Variants in SIRPB1 observed in about 807,000 individuals in gnomAD.
The protein encoded by SIRPB1 is signal regulatory protein beta 1, also known as signal-regulatory protein beta-1.
Under a neutral mutation model 34.1 loss-of-function variants are expected in SIRPB1, and 28 were observed. That is an observed-to-expected ratio of 0.82 (90% CI 0.61 to 1.12). The LOEUF (loss-of-function observed/expected upper bound fraction) is 1.12, where lower values mean the gene tolerates loss of function less well. Ranked by LOEUF, SIRPB1 falls within the 50% of genes most tolerant of loss-of-function variation. SIRPB1 has a pLI of 0.00. For synonymous variants in SIRPB1, 211 were observed against 203.8 expected (o/e 1.04, Z -0.30); for missense variants, 499 against 507.0 (o/e 0.98, Z 0.15).
intron 1 of SIRPB1, among the ~76,000 whole-genome samples, chr20:1,613,613 C>T (rs981353677): frequency 6.6e-6 from 1 of 152,120 alleles, no homozygotes; most frequent in Non-Finnish European, 1.5e-5. Flanking sequence ...AGGGGTCCCC[C>T]AGTGGGTATA....
intron 1 of SIRPB1, among the ~76,000 whole-genome samples, chr20:1,579,003 G>A (rs2091363462): frequency 6.8e-6 from 1 of 147,966 alleles, no homozygotes; most frequent in Admixed American, 6.7e-5. Flanking sequence ...CCAGGCTGGA[G>A]TGCAGTGGTG....
chr20:1,611,186 A>G lies in SIRPB1; in HGVS notation c.76+8683T>C, dbSNP rs1361002741. On this transcript the variant is annotated intron_variant, in intron 1 of 5. Transcript: ENST00000381605. ...AGCCGTGGAGCCTCGAGCGACTGCC[A>G]TGACATCTCCAAGCCTCAACTCATG... Among the ~76,000 whole-genome samples, 2 of 72,494 alleles carry G rather than the reference A, an allele frequency of 2.8e-5. 1 individual carries two copies. The highest frequency in any genetic ancestry group is 1.7e-4 in the African/African-American group (2 of 11,430). The allele number at this position is 72,494 out of a possible 152,430, so 47.6% of individuals were successfully genotyped here. A position where few individuals can be genotyped will look rare whatever the true frequency, so the allele number is the denominator to read the frequency against.
Position 1,571,944 on chromosome 20 carries a change from G to T in SIRPB1, c.527C>A (p.Pro176His). The T allele has an allele frequency of 6.2e-7, 1 of 1,614,154 alleles. No individual in the cohort carries two copies. Among genetic ancestry groups the T allele is most frequent in the South Asian group, 1.1e-5 (1 of 91,084 alleles). Reference sequence around the variant, plus strand: ...GAACCATTTCAGGGTGATGTCTCTGGGAGAGAAGCCATGGGACTCGCAGGT... The same window carrying T: ...GAACCATTTCAGGGTGATGTCTCTGTGAGAGAAGCCATGGGACTCGCAGGT... ...SFTCESHGFS[P>H]RDITLKWFKN... The change falls in exon 3 of 6, where the codon CCC (proline) becomes CAC (histidine). Residue 176 changes from proline to histidine, a missense_variant. Pro to His is a moderately conservative substitution (Grantham distance 77). Coordinates refer to ENST00000381605, the MANE Select transcript of SIRPB1 (RefSeq NM_006065.5).
At position 1,563,977 on chromosome 20, in the gene SIRPB1, A is replaced by G. The variant is rs1600084398; in HGVS notation, c.*1523T>C. ...TCACTCCATATTAGAAATATACAAA[A>G]AAAGGCAAGCACTCTTCCAACTACT... On this transcript the variant is annotated 3_prime_UTR_variant, in exon 6 of 6. Coordinates refer to ENST00000381605, the MANE Select transcript of SIRPB1 (RefSeq NM_006065.5). The G allele has an allele frequency of 6.6e-6, 1 of 152,144 alleles. No individual in the cohort carries two copies. The highest frequency in any genetic ancestry group is 1.9e-4 in the East Asian group (1 of 5,200). The allele number at this position is 152,144 out of a possible 1,614,324, so 9.4% of individuals were successfully genotyped here.
rs2091087225 is a variant in SIRPB1, at chr20:1,562,087, C to T, written c.*3413G>A. Reference sequence around the variant, plus strand: ...TTGCTGAAAGTGTTCCAGCTTTGGCCTTTGGGAGCTCTTTCAGTTGGTTCC... The same window carrying T: ...TTGCTGAAAGTGTTCCAGCTTTGGCTTTTGGGAGCTCTTTCAGTTGGTTCC... On this transcript the variant is annotated 3_prime_UTR_variant, in exon 6 of 6. Coordinates refer to ENST00000381605, the MANE Select transcript of SIRPB1 (RefSeq NM_006065.5). Among the ~76,000 whole-genome samples, 1 of 151,562 alleles carries T rather than the reference C, an allele frequency of 6.6e-6. No individual in the cohort carries two copies. The highest frequency in any genetic ancestry group is 6.6e-5 in the Admixed American group (1 of 15,236).
In SIRPB1 at chr20:1,565,045, G is replaced by C. The variant is rs571877913; in HGVS notation, c.*455C>G. ...ATAGGATGCTTGGACAAAGAGGAAA[G>C]AGAATCATTTTTTTCTTAAAATTGG... On this transcript the variant is annotated 3_prime_UTR_variant, in exon 6 of 6. Transcript: ENST00000381605. 7.5e-6 allele frequency: 3 copies of C among 398,460 alleles called. No individual in the cohort carries two copies. Among genetic ancestry groups the C allele is most frequent in the Admixed American group, 8.8e-5 (2 of 22,708 alleles). The allele number at this position is 398,460 out of a possible 1,614,324, so 24.7% of individuals were successfully genotyped here.
chr20:1,570,806 A>G lies in SIRPB1; in HGVS notation c.1083T>C (p.His361=). Residue 361 remains histidine (H), a splice_region_variant and synonymous_variant, in exon 4 of 6, where the codon CAT becomes CAC. Coordinates refer to ENST00000381605, the MANE Select transcript of SIRPB1 (RefSeq NM_006065.5). ...TTTAAAAATGGGAAGTAACCGCACC[A>G]TGGGTGATATCTGAGCCGTGCTCCT... ...HQKEHGSDIT[H]EAALAPTAPL... 3 of 1,605,722 alleles carry G rather than the reference A, an allele frequency of 1.9e-6. No individual in the cohort carries two copies. The highest frequency in any genetic ancestry group is 2.6e-6 in the Non-Finnish European group (3 of 1,175,668).
At position 1,619,999 on chromosome 20, in the gene SIRPB1, G is replaced by T; in HGVS notation, c.-55C>A. The T allele has an allele frequency of 6.5e-7, 1 of 1,540,722 alleles. No homozygotes were observed. Among genetic ancestry groups the T allele is most frequent in the South Asian group, 1.2e-5 (1 of 84,010 alleles). On this transcript the variant is annotated 5_prime_UTR_variant, in exon 1 of 6. In the 5' UTR this introduces an upstream ATG that the reference lacks. Transcript: ENST00000381605. ...AAACGTCTGTGCTGGGAAGATCGCA[G>T]ACTCTGCTCTGAGGAGAGAAGACAA... is the stretch of plus-strand genomic sequence containing the variant.
At chr20:1,614,126 A>G (rs1046523662) in intron 1 of SIRPB1, among the ~76,000 whole-genome samples, 2 of 152,222 alleles carry the variant, frequency 1.3e-5, no homozygotes, top group Non-Finnish European at 2.9e-5. Flanking sequence ...AAATATGTCA[A>G]TCATGAATTC....
chr20:1,568,659 C>T (rs369889109), intron 4 of SIRPB1, among the ~76,000 whole-genome samples: 1 of 152,114 alleles, frequency 6.6e-6, no homozygotes, highest in African/African-American at 2.4e-5. Context: ...ACAGCAGGGA[C>T]TCTATGCCCA....
intron 2 of SIRPB1, among the ~76,000 whole-genome samples, chr20:1,577,762 G>A (rs2091337254): frequency 1.4e-5 from 2 of 144,950 alleles, no homozygotes; most frequent in Non-Finnish European, 3.1e-5. Context: ...TGTTTCTGAA[G>A]ATTAAATTAA....
chr20:1,614,333 T>A (rs140834320), intron 1 of SIRPB1, among the ~76,000 whole-genome samples: 13 of 152,342 alleles, frequency 8.5e-5, no homozygotes, highest in Admixed American at 1.3e-4. Context: ...TATGTGTACA[T>A]GTTTTAAAAA....
At chr20:1,565,976 C>T (rs2091124254) in intron 5 of SIRPB1, among the ~76,000 whole-genome samples, 177 bp downstream of exon 5, 1 of 152,084 alleles carries the variant, frequency 6.6e-6, no homozygotes, top group Non-Finnish European at 1.5e-5. Flanking sequence ...TGCACACTCC[C>T]TGGGGGTTGG....
At chr20:1,567,887 C>T (rs763270861) in intron 4 of SIRPB1, among the ~76,000 whole-genome samples, 2 of 152,210 alleles carry the variant, frequency 1.3e-5, no homozygotes, top group African/African-American at 2.4e-5. Flanking sequence ...TTCTTGGCAG[C>T]ACTGCAGATT....
chr20:1,571,617 G>T, intron 3 of SIRPB1, 103 bp downstream of exon 3: 1 of 1,543,092 alleles, frequency 6.5e-7, no homozygotes, highest in Non-Finnish European at 8.9e-7. Flanking sequence ...GGACAACACA[G>T]TTAGGAATTA....
rs2091414793 is a variant in SIRPB1, at chr20:1,584,478, T to C, written c.77-5784A>G. ...GTAGTTTCATACACTTATAGCAAAT[T>C]AGTGGGAAAAGAAATCAGTAAAACA... On this transcript the variant is annotated intron_variant, in intron 1 of 5. Coordinates refer to ENST00000381605, the MANE Select transcript of SIRPB1 (RefSeq NM_006065.5). Among the ~76,000 whole-genome samples, 2 of 49,034 alleles carry C rather than the reference T, an allele frequency of 4.1e-5. 1 individual carries two copies. The highest frequency in any genetic ancestry group is 7.9e-5 in the Non-Finnish European group (2 of 25,412). The allele number at this position is 49,034 out of a possible 152,430, so 32.2% of individuals were successfully genotyped here.
intron 4 of SIRPB1, chr20:1,570,583 GCA>G (rs2091215379): frequency 2.3e-6 from 1 of 437,218 alleles, no homozygotes; most frequent in Non-Finnish European, 4.0e-6. Flanking sequence ...CAGACTTGAC[GCA>G]CAGTTTCTCC....
chr20:1,615,795 A>T (rs1254757776), intron 1 of SIRPB1, among the ~76,000 whole-genome samples: 1 of 152,244 alleles, frequency 6.6e-6, no homozygotes, highest in Non-Finnish European at 1.5e-5. Context: ...AATACCATCA[A>T]TAATAGGAAT....
chr20:1,571,452 T>C (rs1203017600), intron 3 of SIRPB1, among the ~76,000 whole-genome samples: 1 of 152,234 alleles, frequency 6.6e-6, no homozygotes, highest in Non-Finnish European at 1.5e-5. Flanking sequence ...GAGCACATAG[T>C]GATTTGGCTC....
Sources: gnomAD v4.1 joint callset for allele counts (sites outside exome capture counted in the v4.1 genomes callset) on GRCh38, gnomAD v4.1.1 for gene constraint, MANE v1.5 for transcripts, NCBI Gene and HGNC (gene_info 2026-07-23, HGNC 2026-07-21) for gene names.